RASSF3: variants seen among roughly 807,000 people sequenced by gnomAD.
The protein encoded by RASSF3 is ras association domain-containing protein 3.
Under a neutral mutation model 19.9 loss-of-function variants are expected in RASSF3, and 19 were observed. The ratio of observed to expected loss-of-function variants is 0.96; its 90% confidence interval spans 0.67 to 1.40. RASSF3 has a LOEUF of 1.40. RASSF3 is among the 40% of genes most tolerant of loss of function. The probability of loss-of-function intolerance (pLI) is 0.00; values close to 1 mark genes in which losing one functional copy is unlikely to be tolerated. For missense variants in RASSF3, 306 were observed against 289.8 expected (o/e 1.06, Z -0.41); for synonymous variants, 110 against 104.2 (o/e 1.06, Z -0.34).
chr12:64,692,816 A>G (rs764236736), intron 4 of RASSF3, among the ~76,000 whole-genome samples: 7 of 152,252 alleles, frequency 4.6e-5, no homozygotes, highest in East Asian at 1.9e-4. Flanking sequence ...GGCTCAAGCA[A>G]TCCTCCCACC....
Position 64,585,601 on chromosome 12 carries a change from CTTTTT to C in RASSF3, c.294+43913_294+43917del, listed in dbSNP as rs35374871. ...GTTACTGCATTTTGCTAGGCAAGTC[CTTTTT>C]TTTTTTTTTTTTTTTTGAGACAGGG... On this transcript the variant is annotated intron_variant, in intron 2 of 5. Transcript: ENST00000637125. Among the ~76,000 whole-genome samples the C allele has an allele frequency of 5.2e-3, 500 of 96,286 alleles. 1 individual carries two copies. Among genetic ancestry groups the C allele is most frequent in the African/African-American group, 0.019 (434 of 22,438 alleles). The allele number at this position is 96,286 out of a possible 152,430, so 63.2% of individuals were successfully genotyped here.
chr12:64,517,892 AC>A (rs1172051317), intron 1 of RASSF3, among the ~76,000 whole-genome samples: 1 of 152,118 alleles, frequency 6.6e-6, no homozygotes, highest in African/African-American at 2.4e-5. Flanking sequence ...TGCTGGGATT[AC>A]AGGCATGAGC....
intron 1 of RASSF3, among the ~76,000 whole-genome samples, chr12:64,644,746 T>C (rs1478589403): frequency 6.9e-6 from 1 of 144,220 alleles, no homozygotes; most frequent in Non-Finnish European, 1.6e-5. Context: ...TGTATATGTG[T>C]GGTTTTCCTG....
chr12:64,541,498 G>C (rs1452766621), intron 1 of RASSF3: 1 of 397,382 alleles, frequency 2.5e-6, no homozygotes, highest in African/African-American at 2.1e-5. Flanking sequence ...GAGCAGGGGA[G>C]GGGGTTCAAT....
intron 1 of RASSF3, among the ~76,000 whole-genome samples, chr12:64,534,282 C>T (rs553769856): frequency 2.0e-5 from 3 of 152,040 alleles, no homozygotes; most frequent in African/African-American, 7.2e-5. Flanking sequence ...AAAGAAAAGA[C>T]AGCCTGGGCA....
intron 2 of RASSF3, among the ~76,000 whole-genome samples, chr12:64,585,763 C>A (rs575251240): frequency 6.6e-6 from 1 of 152,076 alleles, no homozygotes; most frequent in East Asian, 1.9e-4. Context: ...TGCCAGCAAG[C>A]CTGGTTAATT....
In RASSF3 at chr12:64,671,878, A is replaced by G. The variant is rs17100550; in HGVS notation, c.112-12909A>G. ...TACTTGTACACTTGGGATTTCAGCCATGCCTTTTAAGGGCTGTGAACAGAC... is the reference window on the plus strand; with the variant it reads ...TACTTGTACACTTGGGATTTCAGCCGTGCCTTTTAAGGGCTGTGAACAGAC... On this transcript the variant is annotated intron_variant, in intron 1 of 4. Coordinates refer to ENST00000542104, the MANE Select transcript of RASSF3 (RefSeq NM_178169.4). 4.3e-3 allele frequency among the ~76,000 whole-genome samples: 659 copies of G among 152,340 alleles called. 6 individuals carry two copies. Among genetic ancestry groups the G allele is most frequent in the African/African-American group, 0.015 (639 of 41,582 alleles).
intron 2 of RASSF3, among the ~76,000 whole-genome samples, chr12:64,565,780 G>T (rs966491354): frequency 2.6e-5 from 4 of 151,706 alleles, no homozygotes; most frequent in Non-Finnish European, 5.9e-5. Flanking sequence ...CTACTAGGGG[G>T]TGCTGAGGCA....
chr12:64,691,070 C>T (rs746814219), intron 3 of RASSF3, among the ~76,000 whole-genome samples: 3 of 152,066 alleles, frequency 2.0e-5, no homozygotes, highest in Non-Finnish European at 4.4e-5. Flanking sequence ...CCATGTTGGC[C>T]AGGCTGGTCT....
At chr12:64,670,820 G>A (rs1012958676) in intron 1 of RASSF3, among the ~76,000 whole-genome samples, 1 of 152,134 alleles carries the variant, frequency 6.6e-6, no homozygotes, top group Non-Finnish European at 1.5e-5. Context: ...GTGGGCAAAC[G>A]TTAGGGTCTC....
chr12:64,510,324 G>C (rs557128726), intron 1 of RASSF3, among the ~76,000 whole-genome samples: 11 of 152,284 alleles, frequency 7.2e-5, no homozygotes, highest in African/African-American at 2.6e-4. Context: ...TGTATTCTTA[G>C]AAATCTGCTA....
At chr12:64,627,155 A>T (rs574872534) in intron 1 of RASSF3, among the ~76,000 whole-genome samples, 1 of 152,304 alleles carries the variant, frequency 6.6e-6, no homozygotes, top group South Asian at 2.1e-4. Flanking sequence ...AGAGACTACT[A>T]AAAAATGGTT....
At chr12:64,533,770 C>T (rs1430637148) in intron 1 of RASSF3, 3 of 152,228 alleles carry the variant, frequency 2.0e-5, no homozygotes, top group African/African-American at 7.2e-5. Flanking sequence ...AGGCTAAAGC[C>T]ATGGCTCCCA....
At chr12:64,548,888 A>G (rs1455653851) in intron 2 of RASSF3, among the ~76,000 whole-genome samples, 1 of 152,250 alleles carries the variant, frequency 6.6e-6, no homozygotes, top group Admixed American at 6.5e-5. Flanking sequence ...AATTGTCATT[A>G]GTGAAGTTAA....
chr12:64,567,538 G>A (rs979988842), intron 2 of RASSF3, among the ~76,000 whole-genome samples: 15 of 152,260 alleles, frequency 9.9e-5, no homozygotes, highest in South Asian at 4.1e-4. Flanking sequence ...TCCACTGACC[G>A]AACAGAGACA....
chr12:64,607,955 G>A (rs1870222504), upstream of RASSF3, among the ~76,000 whole-genome samples: 1 of 151,602 alleles, frequency 6.6e-6, no homozygotes, highest in Non-Finnish European at 1.5e-5. Context: ...TTTTTGTAGA[G>A]ACAGGGTCTC....
chr12:64,530,328 A>G (rs543804300), upstream of RASSF3, among the ~76,000 whole-genome samples: 6 of 149,332 alleles, frequency 4.0e-5, no homozygotes. Context: ...TTTTCCATAG[A>G]GACATGGTCT....
At chr12:64,618,018 G>A (rs1189788572) in intron 1 of RASSF3, among the ~76,000 whole-genome samples, 1 of 152,130 alleles carries the variant, frequency 6.6e-6, no homozygotes, top group Non-Finnish European at 1.5e-5. Flanking sequence ...TTCAACCAGC[G>A]TTAACCAAAC....
At chr12:64,541,802 G>GT, downstream of RASSF3, 1 of 396,430 alleles carries the variant, frequency 2.5e-6, no homozygotes, top group Non-Finnish European at 4.4e-6. Flanking sequence ...GCTTACGTAT[G>GT]TATCTTCAGA....
Sources: allele counts gnomAD v4.1 joint callset (sites outside exome capture counted in the v4.1 genomes callset), GRCh38; gene constraint gnomAD v4.1.1; transcripts MANE v1.5; gene names NCBI Gene and HGNC (gene_info 2026-07-23, HGNC 2026-07-21).